Variants in CHLSN observed in about 807,000 individuals in gnomAD.
CHLSN encodes the protein cholesin.
the CHLSN span, among the ~76,000 whole-genome samples, chr7:1,103,123 G>A: frequency 3.9e-5 from 6 of 152,214 alleles, no homozygotes; most frequent in Admixed American, 3.9e-4. Context: ...CCCCGTCCGG[G>A]AGGCGCGGGT....
the CHLSN span, among the ~76,000 whole-genome samples, chr7:1,046,615 TGCCCGG>T: frequency 3.3e-5 from 5 of 152,314 alleles, no homozygotes; most frequent in East Asian, 9.6e-4. Flanking sequence ...AATGAGATGC[TGCCCGG>T]GACCAGAAGT....
At chr7:1,136,331 AATATATAAACATATAAAT>A in the CHLSN span, among the ~76,000 whole-genome samples, 3 of 103,068 alleles carry the variant, frequency 2.9e-5, no homozygotes, top group South Asian at 2.9e-4. Flanking sequence ...TAAATATATA[AATATATAAACATATAAAT>A]ATATATAAAC....
chr7:1,054,748 G>A, the CHLSN span, among the ~76,000 whole-genome samples: 1 of 152,214 alleles, frequency 6.6e-6, no homozygotes, highest in Non-Finnish European at 1.5e-5. Context: ...GAGGCTCCGT[G>A]TGTGGGGCCG....
the CHLSN span, among the ~76,000 whole-genome samples, chr7:1,133,836 G>A: frequency 2.6e-5 from 4 of 151,702 alleles, no homozygotes; most frequent in Non-Finnish European, 5.9e-5. Flanking sequence ...AATGTTTGTT[G>A]TGAGACAAAA....
At chr7:1,019,067 C>T in the CHLSN span, among the ~76,000 whole-genome samples, 3 of 151,984 alleles carry the variant, frequency 2.0e-5, no homozygotes, top group Non-Finnish European at 2.9e-5. Context: ...TGGTGGTGCA[C>T]GTCTGTAATC....
chr7:1,072,637 T>G, the CHLSN span, among the ~76,000 whole-genome samples: 1 of 151,794 alleles, frequency 6.6e-6, no homozygotes, highest in Non-Finnish European at 1.5e-5. Context: ...GCCCTCCTTG[T>G]AGAAAGGCTT....
At chr7:1,016,340 C>G in the CHLSN span, among the ~76,000 whole-genome samples, 1 of 85,046 alleles carries the variant, frequency 1.2e-5, no homozygotes, top group East Asian at 2.9e-4. Context: ...CAGCAGCACA[C>G]AGCAGCGCAC....
chr7:1,070,264 G>T, the CHLSN span, among the ~76,000 whole-genome samples: 2 of 144,706 alleles, frequency 1.4e-5, no homozygotes, highest in South Asian at 2.2e-4. Context: ...GGTGGGGGGG[G>T]TCAGCCCCCC....
chr7:994,412 G>C, the CHLSN span, among the ~76,000 whole-genome samples: 3 of 151,038 alleles, frequency 2.0e-5, 1 homozygote, highest in Non-Finnish European at 3.0e-5. Context: ...GCCCACCTTG[G>C]CCCCCCCCAA....
At chr7:1,023,585 G>A in the CHLSN span, among the ~76,000 whole-genome samples, 9 of 148,450 alleles carry the variant, frequency 6.1e-5, no homozygotes, top group Non-Finnish European at 1.3e-4. This position sits in a 1 kb window ranked among gnomAD's most constrained non-coding sequence, Gnocchi z 5.0. Context: ...ACTGGGCCCT[G>A]GAGAACATGA....
At chr7:1,054,500 G>T in the CHLSN span, among the ~76,000 whole-genome samples, 1 of 152,246 alleles carries the variant, frequency 6.6e-6, no homozygotes, top group Non-Finnish European at 1.5e-5. Flanking sequence ...GGTTCAGGGC[G>T]AGTGGGACGC....
the CHLSN span, among the ~76,000 whole-genome samples, chr7:1,103,935 A>C: frequency 6.6e-6 from 1 of 152,154 alleles, no homozygotes; most frequent in African/African-American, 2.4e-5. Flanking sequence ...CCTGGCCTGA[A>C]CGGCCCACAG....
chr7:1,092,880 G>A, the CHLSN span: 1 of 1,603,996 alleles, frequency 6.2e-7, no homozygotes. Flanking sequence ...CATAGGCCCA[G>A]CCAGGGTGTG....
chr7:986,271 C>T, the CHLSN span: 46 of 247,406 alleles, frequency 1.9e-4, no homozygotes, highest in African/African-American at 1.0e-3. Flanking sequence ...GGCTCAGTGG[C>T]GGCCCTGACT....
the CHLSN span, among the ~76,000 whole-genome samples, chr7:1,019,209 AAACGG>A: frequency 7.3e-5 from 6 of 81,764 alleles, no homozygotes; most frequent in African/African-American, 3.1e-4. Flanking sequence ...AAAAAAAAAA[AAACGG>A]GGGGGGGGGA....
the CHLSN span, among the ~76,000 whole-genome samples, chr7:1,103,957 C>G: frequency 6.6e-6 from 1 of 152,162 alleles, no homozygotes; most frequent in South Asian, 2.1e-4. Context: ...AGCGCTGGCC[C>G]CTGCCCAGGG....
At chr7:1,099,107 AGCCTCGCTGTCGCGTTCCTGCAGCCGG>A in the CHLSN span, among the ~76,000 whole-genome samples, 11 of 141,970 alleles carry the variant, frequency 7.7e-5, no homozygotes, top group African/African-American at 2.7e-4. Context: ...CCCCTTCCGG[AGCCTCGCTGTCGCGTTCCTGCAGCCGG>A]CCTCCCCTTC....
the CHLSN span, chr7:1,127,364 C>T: frequency 6.2e-7 from 1 of 1,607,624 alleles, no homozygotes; most frequent in Non-Finnish European, 8.5e-7. Flanking sequence ...ACTTCAGGAA[C>T]TTTTCTCTTC....
chr7:1,021,608 G>A, the CHLSN span: 3 of 971,698 alleles, frequency 3.1e-6, no homozygotes, highest in African/African-American at 1.8e-5. Flanking sequence ...GATGGGAGAG[G>A]GACAATCTGC....
Sources: gnomAD v4.1 joint callset for allele counts (sites outside exome capture counted in the v4.1 genomes callset) on GRCh38, gnomAD v4.1.1 for gene constraint, Gnocchi (gnomAD v3.1) non-coding constraint, MANE v1.5 for transcripts, NCBI Gene and HGNC (gene_info 2026-07-23, HGNC 2026-07-21) for gene names.